The following SMYD2 variants were observed in gnomAD, a reference collection of about 807,000 sequenced individuals.
The protein encoded by SMYD2 is N-lysine methyltransferase SMYD2.
A neutral mutation model predicts 59.1 loss-of-function variants in SMYD2; 53 were observed. The observed-to-expected ratio is 0.90, with a 90% CI of 0.72 to 1.13. SMYD2 has a LOEUF of 1.13. SMYD2 is among the 50% of genes most tolerant of loss of function. The pLI is 0.00. For synonymous variants in SMYD2, 208 were observed against 198.8 expected (o/e 1.05, Z -0.39); for missense variants, 494 against 544.7 (o/e 0.91, Z 0.93).
chr1:214,320,511 A>G (rs763908513), intron 5 of SMYD2, among the ~76,000 whole-genome samples: 1 of 152,230 alleles, frequency 6.6e-6, no homozygotes, highest in Non-Finnish European at 1.5e-5. Context: ...CTGTAGTCCC[A>G]GCTACTCAGG....
At chr1:214,281,606 C>G (rs1369880209) in intron 1 of SMYD2, among the ~76,000 whole-genome samples, 179 bp downstream of exon 1, 2 of 152,122 alleles carry the variant, frequency 1.3e-5, no homozygotes, top group Non-Finnish European at 2.9e-5. Context: ...AGCCCCACGC[C>G]AGGCGCCACG....
chr1:214,290,363 C>T (rs74820558), intron 1 of SMYD2, among the ~76,000 whole-genome samples: 5,599 of 152,130 alleles, frequency 0.037, 334 homozygotes, highest in African/African-American at 0.13. Flanking sequence ...TAAAATCTAG[C>T]GACTCTTGTA....
chr1:214,335,703 C>T (rs894750591), intron 11 of SMYD2, among the ~76,000 whole-genome samples: 9 of 152,162 alleles, frequency 5.9e-5, no homozygotes, highest in African/African-American at 2.2e-4. Context: ...ATTAACAACC[C>T]TGAGAGGTAG....
At position 214,334,027 on chromosome 1, in the gene SMYD2, C is replaced by T. The variant is rs887573247; in HGVS notation, c.1113-173C>T. On this transcript the variant is annotated intron_variant, in intron 10 of 11. Transcript: ENST00000366957. Reference sequence around the variant, plus strand: ...ATAATGAACAACATCTGCAATGATTCGGCAGGGTGGCAGCATCCACGCTCT... The same window carrying T: ...ATAATGAACAACATCTGCAATGATTTGGCAGGGTGGCAGCATCCACGCTCT... The T allele has an allele frequency of 1.5e-5, 8 of 538,676 alleles. No individual in the cohort carries two copies. The East Asian group carries it at 1.7e-4, about 11-fold the overall frequency. 33.4% of individuals were successfully genotyped at this position (538,676 alleles called of 1,614,324 possible).
chr1:214,301,485 C>G (rs1656822413), intron 1 of SMYD2, among the ~76,000 whole-genome samples: 1 of 152,068 alleles, frequency 6.6e-6, no homozygotes, highest in Non-Finnish European at 1.5e-5. Flanking sequence ...TACAGATCTC[C>G]TGAAAATTGA....
chr1:214,324,623 C>G lies in SMYD2; in HGVS notation c.535-18C>G. ...GCTCCAGCTCATTTTTTTCCTTTCT[C>G]CCTTTTTCTTGCTGCAGGTTAACTG... On this transcript the variant is annotated intron_variant, in intron 5 of 11. Transcript: ENST00000366957. 2 of 1,594,904 alleles carry G rather than the reference C, an allele frequency of 1.3e-6. No individual in the cohort carries two copies. Among genetic ancestry groups the G allele is most frequent in the Non-Finnish European group, 8.5e-7 (1 of 1,173,096 alleles).
intron 1 of SMYD2, among the ~76,000 whole-genome samples, chr1:214,284,253 G>GTTTTTTTTTTT (rs1259451106): frequency 2.6e-5 from 2 of 76,820 alleles, no homozygotes; most frequent in Admixed American, 1.4e-4. Flanking sequence ...TTTTTGGTGT[G>GTTTTTTTTTTT]GTTTTTTTTT....
In SMYD2 at chr1:214,327,638, C is replaced by G. The variant is rs750954495; in HGVS notation, c.619C>G (p.His207Asp). The change falls in exon 7 of 12, where the codon CAT becomes GAT. Residue 207 changes from histidine to aspartate, a missense_variant. Physicochemically the swap from His to Asp is moderately conservative, Grantham distance 81. Coordinates refer to ENST00000366957, the MANE Select transcript of SMYD2 (RefSeq NM_020197.3). ...GACTGACAGTGTTGCATTGATGAAT[C>G]ATAGCTGTTGCCCCAATGTCATTGT... ...AIFPDVALMNHSCCPNVIVTY... is the reference protein window; with the variant it reads ...AIFPDVALMNDSCCPNVIVTY... The G allele has an allele frequency of 5.0e-6, 8 of 1,614,000 alleles. No individual in the cohort carries two copies. In the Admixed American group the frequency reaches 1.0e-4, roughly 20 times the overall value.
At chr1:214,326,089 T>G (rs1657256808) in intron 6 of SMYD2, among the ~76,000 whole-genome samples, 1 of 151,604 alleles carries the variant, frequency 6.6e-6, no homozygotes, top group South Asian at 2.1e-4. Context: ...AATACAAAAA[T>G]TAGCTGGGCA....
At chr1:214,303,397 C>G (rs189849781) in intron 1 of SMYD2, among the ~76,000 whole-genome samples, 2 of 152,220 alleles carry the variant, frequency 1.3e-5, no homozygotes, top group Admixed American at 1.3e-4. Context: ...GTCTGTCCAT[C>G]TTGTTTCTTC....
At chr1:214,297,201 A>G (rs1656746286) in intron 1 of SMYD2, among the ~76,000 whole-genome samples, 2 of 152,126 alleles carry the variant, frequency 1.3e-5, no homozygotes, top group Admixed American at 6.5e-5. Flanking sequence ...TACCAATTGA[A>G]TGAGAACTGA....
chr1:214,281,217 A>C lies in SMYD2; in HGVS notation c.-38A>C, dbSNP rs1305810738. 4.1e-6 allele frequency: 5 copies of C among 1,216,730 alleles called. No individual in the cohort carries two copies. Among genetic ancestry groups the C allele is most frequent in the Non-Finnish European group, 5.1e-6 (5 of 973,974 alleles). The allele number at this position is 1,216,730 out of a possible 1,614,324, so 75.4% of individuals were successfully genotyped here. A position where few individuals can be genotyped will look rare whatever the true frequency, so the allele number is the denominator to read the frequency against. On this transcript the variant is annotated 5_prime_UTR_variant, in exon 1 of 12. Coordinates refer to ENST00000366957, the MANE Select transcript of SMYD2 (RefSeq NM_020197.3). Reference sequence around the variant, plus strand: ...CCAATAACAGCTCGCCGGGAGCCGCAGCTCGGGCACAGCCGGCGGCCGCGC... The same window carrying C: ...CCAATAACAGCTCGCCGGGAGCCGCCGCTCGGGCACAGCCGGCGGCCGCGC...
intron 2 of SMYD2, among the ~76,000 whole-genome samples, chr1:214,314,435 A>G (rs1476408736): frequency 1.3e-5 from 2 of 152,192 alleles, no homozygotes; most frequent in African/African-American, 4.8e-5. Flanking sequence ...TCCCTCTGCA[A>G]TTTGACAGCT....
chr1:214,302,559 A>G (rs765197676), intron 1 of SMYD2, among the ~76,000 whole-genome samples: 4 of 152,186 alleles, frequency 2.6e-5, no homozygotes, highest in Non-Finnish European at 5.9e-5. Flanking sequence ...CTTGAGAATC[A>G]CTGAGATAGG....
intron 3 of SMYD2, among the ~76,000 whole-genome samples, chr1:214,317,294 A>G (rs1025259135): frequency 5.3e-5 from 8 of 152,190 alleles, no homozygotes; most frequent in African/African-American, 1.7e-4. Context: ...TTTCATCTCT[A>G]TAGGACTTGA....
intron 5 of SMYD2, among the ~76,000 whole-genome samples, chr1:214,323,736 C>T (rs1160521352): frequency 1.3e-5 from 2 of 152,096 alleles, no homozygotes; most frequent in South Asian, 2.1e-4. Context: ...CCAGCGGGCC[C>T]GTACAACGTT....
At chr1:214,319,672 A>G (rs1287528140) in intron 5 of SMYD2, among the ~76,000 whole-genome samples, 1 of 152,192 alleles carries the variant, frequency 6.6e-6, no homozygotes, top group Non-Finnish European at 1.5e-5. Flanking sequence ...GCCTCGGGGA[A>G]CACACAACCT....
chr1:214,289,200 G>A (rs1287952312), intron 1 of SMYD2, among the ~76,000 whole-genome samples: 4 of 152,162 alleles, frequency 2.6e-5, no homozygotes, highest in African/African-American at 9.7e-5. Flanking sequence ...GAATTGGTGA[G>A]AATTCAGGAC....
intron 5 of SMYD2, among the ~76,000 whole-genome samples, chr1:214,320,525 C>A (rs776887369): frequency 6.6e-6 from 1 of 152,122 alleles, no homozygotes; most frequent in Admixed American, 6.5e-5. Flanking sequence ...ACTCAGGAGG[C>A]TGAGGTAGGA....
Sources: allele counts gnomAD v4.1 joint callset (sites outside exome capture counted in the v4.1 genomes callset), GRCh38; gene constraint gnomAD v4.1.1; transcripts MANE v1.5; gene names NCBI Gene and HGNC (gene_info 2026-07-23, HGNC 2026-07-21).